Variants in ADCY2 observed in about 807,000 individuals in gnomAD.
ADCY2 encodes adenylate cyclase 2.
ADCY2 carries 31 observed loss-of-function variants against 125.2 expected under a neutral mutation model. The observed-to-expected ratio is 0.25, with a 90% CI of 0.19 to 0.33. ADCY2 has a LOEUF of 0.33. Among genes scored for constraint, ADCY2 ranks in the 10% least tolerant of loss-of-function variants. The pLI, the probability that ADCY2 is intolerant of heterozygous loss-of-function variation, is 1.00. For synonymous variants in ADCY2, 512 were observed against 548.4 expected, an observed-to-expected ratio of 0.93 and a Z score of 0.93; for missense variants, 904 against 1,418.2, an observed-to-expected ratio of 0.64 and a Z score of 5.82.
At chr5:7,691,060 T>C in intron 5 of ADCY2, 1 of 404,578 alleles carries the variant, frequency 2.5e-6, no homozygotes, top group Non-Finnish European at 4.1e-6. Context: ...TGTGTTGGAT[T>C]GAGTTGTCCT....
chr5:7,640,059 A>C (rs1230156252), intron 4 of ADCY2, among the ~76,000 whole-genome samples: 1 of 152,214 alleles, frequency 6.6e-6, no homozygotes, highest in African/African-American at 2.4e-5. Flanking sequence ...ACAAGCATTT[A>C]AGCTAGTCTT....
chr5:7,610,597 G>C (rs1395800575), intron 3 of ADCY2, among the ~76,000 whole-genome samples: 1 of 152,168 alleles, frequency 6.6e-6, no homozygotes, highest in Non-Finnish European at 1.5e-5. Context: ...AAAGGGAAAT[G>C]AGAAATGGAG....
intron 4 of ADCY2, among the ~76,000 whole-genome samples, chr5:7,655,100 G>A (rs948162988): frequency 6.6e-6 from 1 of 152,118 alleles, no homozygotes; most frequent in African/African-American, 2.4e-5. Flanking sequence ...CGTGGAAGTC[G>A]TCCTGAGCAG....
At chr5:7,404,013 T>C (rs1159199852) in intron 1 of ADCY2, among the ~76,000 whole-genome samples, 1 of 151,878 alleles carries the variant, frequency 6.6e-6, no homozygotes, top group African/African-American at 2.4e-5. Flanking sequence ...TTGTTGGTTG[T>C]GGGGACAGTG....
rs905853519 is a variant in ADCY2 at position 7,784,396 on chromosome 5, G to A, written c.2416G>A (p.Gly806Ser). Residue 806 changes from glycine (G) to serine (S), a missense_variant, in exon 19 of 25, where the codon GGC becomes AGC. Physicochemically the swap from Gly to Ser is moderately conservative, Grantham distance 56. Around this residue, in one of 7 missense-constraint regions of ADCY2, gnomAD observed 181 missense variants for 381.6 expected, o/e 0.47. Transcript: ENST00000338316. The stretch of plus-strand genomic sequence containing the variant: ...CATTTGGAAAGACCTGAAGACCATG[G>A]GCTCTGTGTCTCTCTCTATATTCTT... Reference protein sequence around the residue: ...PGIWKDLKTMGSVSLSIFFIT... With the variant: ...PGIWKDLKTMSSVSLSIFFIT... 6.2e-7 allele frequency: 1 copy of A among 1,613,744 alleles called. No homozygotes were observed. The highest frequency in any genetic ancestry group is 8.5e-7 in the Non-Finnish European group (1 of 1,179,952).
chr5:7,678,277 C>T (rs189189196), intron 4 of ADCY2, among the ~76,000 whole-genome samples: 21 of 152,162 alleles, frequency 1.4e-4, no homozygotes, highest in Middle Eastern at 3.4e-3. Context: ...TCTGTCATGG[C>T]GTGTAGCTGG....
intron 4 of ADCY2, among the ~76,000 whole-genome samples, chr5:7,663,545 G>C (rs960506999): frequency 2.6e-5 from 4 of 152,246 alleles, no homozygotes; most frequent in African/African-American, 9.6e-5. Flanking sequence ...GTGAGCTTGG[G>C]AATCTCATGT....
At chr5:7,504,359 C>T (rs770448073) in intron 2 of ADCY2, among the ~76,000 whole-genome samples, 3 of 152,206 alleles carry the variant, frequency 2.0e-5, no homozygotes, top group Non-Finnish European at 4.4e-5. Flanking sequence ...ATAAAACCAA[C>T]TGAGTCTATT....
At chr5:7,514,076 A>G (rs965729483) in intron 2 of ADCY2, among the ~76,000 whole-genome samples, 1 of 152,212 alleles carries the variant, frequency 6.6e-6, no homozygotes, top group Non-Finnish European at 1.5e-5. Context: ...CTCTCCATTC[A>G]TACATTAGAG....
chr5:7,767,816 G>C lies in ADCY2; in HGVS notation c.2214+1010G>C, dbSNP rs543082896. 8.1e-4 allele frequency among the ~76,000 whole-genome samples: 123 copies of C among 152,116 alleles called. No homozygotes were observed. The Middle Eastern group carries it at 0.01, about 13-fold the overall frequency. Reference sequence around the variant, plus strand: ...GAGTCCGAGGCAGGCAGATCACGAGGTCAGGAGATCAAGACCATCCTGCCT... The same window carrying C: ...GAGTCCGAGGCAGGCAGATCACGAGCTCAGGAGATCAAGACCATCCTGCCT... On this transcript the variant is annotated intron_variant, in intron 17 of 24. Transcript: ENST00000338316.
chr5:7,472,121 A>G (rs1041214236), intron 2 of ADCY2, among the ~76,000 whole-genome samples: 1 of 152,090 alleles, frequency 6.6e-6, no homozygotes, highest in Non-Finnish European at 1.5e-5. Context: ...ATTCTCAGCT[A>G]TTATGTCTTT....
chr5:7,675,011 T>C (rs1237343567), intron 4 of ADCY2, among the ~76,000 whole-genome samples: 4 of 151,798 alleles, frequency 2.6e-5, no homozygotes, highest in Non-Finnish European at 5.9e-5. Context: ...AAAAATTAGC[T>C]GGGCGTGGTG....
intron 4 of ADCY2, among the ~76,000 whole-genome samples, chr5:7,637,396 C>T (rs1430759244): frequency 7.4e-6 from 1 of 134,962 alleles, no homozygotes; most frequent in African/African-American, 2.8e-5. Context: ...CACAACACTG[C>T]ACTACAGCCT....
intron 15 of ADCY2, among the ~76,000 whole-genome samples, chr5:7,756,305 A>G (rs1032387419): frequency 2.6e-5 from 4 of 152,222 alleles, no homozygotes; most frequent in African/African-American, 9.6e-5. Context: ...CTGAGACCCC[A>G]TGGTGAATGG....
At position 7,512,235 on chromosome 5, in the gene ADCY2, A is replaced by G. The variant is rs906156291; in HGVS notation, c.409-8503A>G. ...GACTCCATCAAAAAAAAAAAAAAAAAAAAAAGAAAACCATCAGAGGGCTAT... is the reference window on the plus strand; with the variant it reads ...GACTCCATCAAAAAAAAAAAAAAAAGAAAAAGAAAACCATCAGAGGGCTAT... On this transcript the variant is annotated intron_variant, in intron 2 of 24. Coordinates refer to ENST00000338316, the MANE Select transcript of ADCY2 (RefSeq NM_020546.3). 5.3e-4 allele frequency among the ~76,000 whole-genome samples: 80 copies of G among 150,312 alleles called. 4 individuals are homozygous for G. Among genetic ancestry groups the G allele is most frequent in the East Asian group, 2.9e-3 (15 of 5,148 alleles).
At chr5:7,695,177 C>T (rs989909494) in intron 5 of ADCY2, among the ~76,000 whole-genome samples, 2 of 152,212 alleles carry the variant, frequency 1.3e-5, no homozygotes, top group Non-Finnish European at 2.9e-5. Context: ...ATCTCACACT[C>T]GCCTTCCCTA....
At position 7,727,563 on chromosome 5, in the gene ADCY2, A is replaced by G. The variant is rs564762366; in HGVS notation, c.1871+302A>G. ...ATGCGCAGTCTAGGAAATGTAGCCC[A>G]ATAAACTTTACCCACAAAGAGTGCA... On this transcript the variant is annotated intron_variant, in intron 14 of 24. Transcript: ENST00000338316. 8.5e-5 allele frequency among the ~76,000 whole-genome samples: 13 copies of G among 152,314 alleles called. 1 individual carries two copies. In the East Asian group the frequency reaches 1.7e-3, roughly 20 times the overall value.
chr5:7,499,662 T>TATATATATATATATAC (rs1743484118), intron 2 of ADCY2, among the ~76,000 whole-genome samples: 1 of 118,970 alleles, frequency 8.4e-6, no homozygotes, highest in Non-Finnish European at 2.0e-5. Context: ...TATATATATA[T>TATATATATATATATAC]ATATATATAT....
chr5:7,790,858 G>A (rs1390900177), intron 20 of ADCY2, among the ~76,000 whole-genome samples: 1 of 152,186 alleles, frequency 6.6e-6, no homozygotes, highest in African/African-American at 2.4e-5. Flanking sequence ...TGTGAGGCTT[G>A]ATTAGTGCTC....
Sources: gnomAD v4.1 joint callset for allele counts (sites outside exome capture counted in the v4.1 genomes callset) on GRCh38, gnomAD v4.1.1 for gene constraint, gnomAD v4.1.1 regional missense constraint, MANE v1.5 for transcripts, NCBI Gene and HGNC (gene_info 2026-07-23, HGNC 2026-07-21) for gene names.